Variants in SMYD3 observed in about 807,000 individuals in gnomAD.
The protein encoded by SMYD3 is histone-lysine N-methyltransferase SMYD3.
In SMYD3, 36 loss-of-function variants were observed where a neutral mutation model predicts 57.7. The ratio of observed to expected loss-of-function variants is 0.62; its 90% CI spans 0.48 to 0.82. SMYD3 has a LOEUF of 0.82. SMYD3 is among the 40% of genes least tolerant of loss of function. The probability of loss-of-function intolerance (pLI) is 0.00; values close to 1 mark genes in which losing one functional copy is unlikely to be tolerated. For synonymous variants in SMYD3, 211 were observed against 195.0 expected (o/e 1.08, Z -0.68); for missense variants, 515 against 538.8 (o/e 0.96, Z 0.44).
At chr1:246,130,792 A>ACTCT (rs2061575465) in intron 5 of SMYD3, among the ~76,000 whole-genome samples, 1 of 151,882 alleles carries the variant, frequency 6.6e-6, no homozygotes, top group Admixed American at 6.6e-5. Context: ...TCCAGTCTTG[A>ACTCT]CTCTCTAATC....
intron 1 of SMYD3, among the ~76,000 whole-genome samples, chr1:246,475,042 C>T (rs1327528865): frequency 4.6e-5 from 7 of 152,106 alleles, no homozygotes; most frequent in Non-Finnish European, 1.0e-4. Flanking sequence ...CTTGGTCGGG[C>T]GCGGTGGCTC....
At chr1:246,042,114 T>A (rs2059888511) in intron 5 of SMYD3, among the ~76,000 whole-genome samples, 1 of 152,220 alleles carries the variant, frequency 6.6e-6, no homozygotes, top group Non-Finnish European at 1.5e-5. Flanking sequence ...ATCCTCTAAC[T>A]GCAGAAAGCT....
At chr1:246,449,457 C>G (rs1572511412) in intron 1 of SMYD3, among the ~76,000 whole-genome samples, 1 of 152,182 alleles carries the variant, frequency 6.6e-6, no homozygotes, top group South Asian at 2.1e-4. Flanking sequence ...ATTCCTTCTT[C>G]TGAGACAGTG....
chr1:245,784,399 G>T (rs2046953308), intron 10 of SMYD3, among the ~76,000 whole-genome samples: 1 of 152,118 alleles, frequency 6.6e-6, no homozygotes, highest in South Asian at 2.1e-4. Flanking sequence ...TATTCTGTGG[G>T]TCAGAAATTC....
intron 10 of SMYD3, among the ~76,000 whole-genome samples, chr1:245,840,865 C>A: frequency 6.6e-6 from 1 of 151,436 alleles, no homozygotes; most frequent in South Asian, 2.1e-4. Context: ...TAAGGCCAAA[C>A]TTTTTTTTTC....
At chr1:245,846,128 C>T (rs1366395511) in intron 10 of SMYD3, among the ~76,000 whole-genome samples, 1 of 152,178 alleles carries the variant, frequency 6.6e-6, no homozygotes, top group African/African-American at 2.4e-5. Context: ...AGCCATCTGT[C>T]TCACCACGCT....
In SMYD3 at chr1:246,235,108, A is replaced by G. The variant is rs1224416854; in HGVS notation, c.531+92093T>C. ...AGGTCCTTTGAGCTACTAACTTAGTAAAAACTAAAAGTCAAACATTTCACT... is the reference window on the plus strand; with the variant it reads ...AGGTCCTTTGAGCTACTAACTTAGTGAAAACTAAAAGTCAAACATTTCACT... On this transcript the variant is annotated intron_variant, in intron 5 of 11. Transcript: ENST00000490107. 3.3e-5 allele frequency among the ~76,000 whole-genome samples: 5 copies of G among 152,332 alleles called. No individual in the cohort carries two copies. The East Asian group carries it at 9.6e-4, about 29-fold the overall frequency.
At chr1:246,219,555 C>T (rs894438797) in intron 5 of SMYD3, among the ~76,000 whole-genome samples, 2 of 152,184 alleles carry the variant, frequency 1.3e-5, no homozygotes, top group African/African-American at 4.8e-5. Flanking sequence ...ATTCTGGAGC[C>T]ATGAGTGTGA....
At chr1:245,902,357 C>A (rs936165052) in intron 8 of SMYD3, among the ~76,000 whole-genome samples, 1 of 152,218 alleles carries the variant, frequency 6.6e-6, no homozygotes, top group African/African-American at 2.4e-5. Flanking sequence ...AAGGACAAGG[C>A]CACCACACAC....
chr1:245,918,280 TG>T (rs1466955433), intron 7 of SMYD3, among the ~76,000 whole-genome samples: 1 of 152,204 alleles, frequency 6.6e-6, no homozygotes, highest in Non-Finnish European at 1.5e-5. Flanking sequence ...GCAAAGGTCT[TG>T]GGTTCAGGTA....
intron 2 of SMYD3, among the ~76,000 whole-genome samples, chr1:246,339,532 A>T (rs573513720): frequency 2.2e-4 from 34 of 152,264 alleles, no homozygotes; most frequent in African/African-American, 8.2e-4. Flanking sequence ...GCCCAGATCT[A>T]AAAAAATGCT....
chr1:246,120,122 T>A (rs536789802), intron 5 of SMYD3, among the ~76,000 whole-genome samples: 3 of 152,180 alleles, frequency 2.0e-5, no homozygotes, highest in African/African-American at 7.2e-5. Context: ...AACGCCTGTT[T>A]GTTCACATTC....
At chr1:246,427,495 G>A (rs1421066034) in intron 1 of SMYD3, among the ~76,000 whole-genome samples, 1 of 148,114 alleles carries the variant, frequency 6.8e-6, no homozygotes, top group Non-Finnish European at 1.5e-5. Flanking sequence ...ACTCCAGCCT[G>A]GGCGACAGAG....
intron 9 of SMYD3, among the ~76,000 whole-genome samples, chr1:245,862,134 C>T (rs942501950): frequency 9.2e-5 from 14 of 152,098 alleles, no homozygotes; most frequent in African/African-American, 1.4e-4. Context: ...TCATAGACAG[C>T]GTTTCAAATC....
chr1:245,916,002 C>A (rs1027481414), intron 7 of SMYD3, among the ~76,000 whole-genome samples: 1 of 152,126 alleles, frequency 6.6e-6, no homozygotes. Flanking sequence ...ATCAGAGAAG[C>A]CAAATTAATC....
chr1:245,844,967 T>G (rs2148432212), intron 10 of SMYD3, among the ~76,000 whole-genome samples: 1 of 152,304 alleles, frequency 6.6e-6, no homozygotes, highest in South Asian at 2.1e-4. Context: ...CTAGAAAAAT[T>G]TCTCCAGCCT....
At chr1:246,229,789 T>G (rs777862278) in intron 5 of SMYD3, among the ~76,000 whole-genome samples, 1 of 152,236 alleles carries the variant, frequency 6.6e-6, no homozygotes, top group African/African-American at 2.4e-5. Flanking sequence ...CACCTGTTAA[T>G]ACTGATATAG....
intron 1 of SMYD3, among the ~76,000 whole-genome samples, chr1:246,400,901 T>A (rs553810278): frequency 1.3e-5 from 2 of 152,188 alleles, no homozygotes; most frequent in Non-Finnish European, 2.9e-5. Flanking sequence ...AACAGATTCA[T>A]GTGGAAAGAA....
intron 1 of SMYD3, among the ~76,000 whole-genome samples, chr1:246,457,116 T>C (rs1041581696): frequency 6.6e-6 from 1 of 152,186 alleles, no homozygotes; most frequent in Non-Finnish European, 1.5e-5. Flanking sequence ...TCTTAATTCA[T>C]GTCCATACTG....
Sources: allele counts gnomAD v4.1 joint callset (sites outside exome capture counted in the v4.1 genomes callset), GRCh38; gene constraint gnomAD v4.1.1; transcripts MANE v1.5; gene names NCBI Gene and HGNC (gene_info 2026-07-23, HGNC 2026-07-21).